The following ASAP2 variants were observed in gnomAD, a reference collection of about 807,000 sequenced individuals.
ASAP2 encodes the protein ArfGAP with SH3 domain, ankyrin repeat and PH domain 2.
In ASAP2, 45 loss-of-function variants were observed where a neutral mutation model predicts 131.4. That is an observed-to-expected ratio of 0.34 (90% CI 0.27 to 0.44). The LOEUF is 0.44. Ranked by LOEUF, ASAP2 falls within the 20% of genes least tolerant of loss-of-function variation. The pLI, the probability that ASAP2 is intolerant of heterozygous loss-of-function variation, is 1.00. For missense variants in ASAP2, 1,011 were observed against 1,297.0 expected (o/e 0.78, Z 3.39); for synonymous variants, 510 against 503.0 (o/e 1.01, Z -0.19).
intron 2 of ASAP2, among the ~76,000 whole-genome samples, chr2:9,282,429 T>C (rs1318953358): frequency 7.2e-5 from 11 of 152,264 alleles, no homozygotes; most frequent in Non-Finnish European, 1.6e-4. Context: ...TAGAACTCTT[T>C]AGAACTGCTT....
intron 20 of ASAP2, among the ~76,000 whole-genome samples, chr2:9,381,764 G>T (rs1674865676): frequency 6.6e-6 from 1 of 152,094 alleles, no homozygotes; most frequent in Admixed American, 6.5e-5. Flanking sequence ...TTAGCTGGGT[G>T]TGGTGGCACG....
At chr2:9,216,044 C>G (rs1572177718) in intron 1 of ASAP2, among the ~76,000 whole-genome samples, 1 of 152,150 alleles carries the variant, frequency 6.6e-6, no homozygotes, top group East Asian at 1.9e-4. Context: ...TCCTACAACC[C>G]AGCTCTCCTA....
intron 1 of ASAP2, among the ~76,000 whole-genome samples, chr2:9,266,147 C>A (rs796714406): frequency 7.5e-6 from 1 of 133,902 alleles, no homozygotes; most frequent in Admixed American, 7.6e-5. Context: ...GCCTTTTTAT[C>A]TTTTTTTTTT....
At chr2:9,396,421 G>A (rs1239389119) in intron 24 of ASAP2, among the ~76,000 whole-genome samples, 1 of 151,936 alleles carries the variant, frequency 6.6e-6, no homozygotes, top group African/African-American at 2.4e-5. Flanking sequence ...CCACAGGCAC[G>A]CACCACCATG....
At chr2:9,314,018 C>G (rs1294989340) in intron 3 of ASAP2, among the ~76,000 whole-genome samples, 1 of 152,182 alleles carries the variant, frequency 6.6e-6, no homozygotes, top group Non-Finnish European at 1.5e-5. Context: ...AAGTCTCGCT[C>G]TGTTACCTAG....
At chr2:9,247,459 G>T (rs190118739) in intron 1 of ASAP2, among the ~76,000 whole-genome samples, 1 of 152,312 alleles carries the variant, frequency 6.6e-6, no homozygotes, top group East Asian at 1.9e-4. Context: ...TACCTCATGC[G>T]CTGCTTTCGG....
intron 1 of ASAP2, among the ~76,000 whole-genome samples, chr2:9,249,491 A>G (rs571077994): frequency 5.3e-5 from 8 of 152,320 alleles, no homozygotes; most frequent in African/African-American, 1.9e-4. Context: ...TCATGACGCC[A>G]TGCCTGCTCC....
intron 1 of ASAP2, among the ~76,000 whole-genome samples, chr2:9,259,458 C>T (rs1212403256): frequency 6.6e-6 from 1 of 152,234 alleles, no homozygotes; most frequent in Non-Finnish European, 1.5e-5. Context: ...CCCCTCTCTG[C>T]AGGCTCCCAC....
In ASAP2 at chr2:9,393,610, C is replaced by A. The variant is rs1473013426; in HGVS notation, c.2647C>A (p.Pro883Thr). The A allele has an allele frequency of 1.3e-6, 2 of 1,588,024 alleles. No homozygotes were observed. The highest frequency in any genetic ancestry group is 1.7e-6 in the Non-Finnish European group (2 of 1,169,740). The change falls in exon 24 of 28, where the codon CCG becomes ACG. Residue 883 changes from proline to threonine, a missense_variant. Pro to Thr is a conservative substitution (Grantham distance 38, BLOSUM62 -1). Transcript: ENST00000281419. ...QIRPPPLPPQ[P>T]PSRLPQKKPA... ...CAGGCCCCCACCTCTGCCCCCACAG[C>A]CGCCCAGCCGCCTCCCGCAGAAGAA...
chr2:9,282,501 T>A (rs993557507), intron 2 of ASAP2, among the ~76,000 whole-genome samples: 6 of 152,194 alleles, frequency 3.9e-5, no homozygotes, highest in African/African-American at 1.4e-4. Flanking sequence ...TAAATTTTTT[T>A]AGAACTAGAT....
chr2:9,252,914 CAAA>C (rs35078846), intron 1 of ASAP2, among the ~76,000 whole-genome samples: 3 of 108,464 alleles, frequency 2.8e-5, no homozygotes, highest in Admixed American at 1.0e-4. Context: ...GACTCCGTCT[CAAA>C]AAAAAAAAAA....
chr2:9,207,483 C>A lies in ASAP2; in HGVS notation c.126+253C>A, dbSNP rs1402898906. Among the ~76,000 whole-genome samples, 1 of 152,130 alleles carries A rather than the reference C, an allele frequency of 6.6e-6. No individual in the cohort carries two copies. The highest frequency in any genetic ancestry group is 1.5e-5 in the Non-Finnish European group (1 of 67,974). Reference sequence around the variant, plus strand: ...CCCTCGCGGGGTTCCGCGGCCTGGTCTTTTCCCCGCAGCGCGGCCAACTTT... The same window carrying A: ...CCCTCGCGGGGTTCCGCGGCCTGGTATTTTCCCCGCAGCGCGGCCAACTTT... On this transcript the variant is annotated intron_variant, in intron 1 of 27. Coordinates refer to ENST00000281419, the MANE Select transcript of ASAP2 (RefSeq NM_003887.3). The surrounding 1 kb of genome is among the most constrained non-coding windows in gnomAD (Gnocchi z 4.1).
At position 9,318,616 on chromosome 2, in the gene ASAP2, T is replaced by C. The variant is rs1669955526; in HGVS notation, c.420+18T>C. 1.3e-6 allele frequency: 2 copies of C among 1,587,308 alleles called. No homozygotes were observed. Among genetic ancestry groups the C allele is most frequent in the African/African-American group, 2.7e-5 (2 of 74,112 alleles). On this transcript the variant is annotated intron_variant, in intron 4 of 27. Coordinates refer to ENST00000281419, the MANE Select transcript of ASAP2 (RefSeq NM_003887.3). ...TGAAAGGGGTATGACATTGACACTG[T>C]GACACCAGGGGCAGCTTTTACACCA...
chr2:9,222,061 T>C (rs1662461957), intron 1 of ASAP2, among the ~76,000 whole-genome samples: 1 of 152,200 alleles, frequency 6.6e-6, no homozygotes, highest in South Asian at 2.1e-4. Flanking sequence ...GTGCTGGGAT[T>C]AGAGGCGTGA....
intron 1 of ASAP2, among the ~76,000 whole-genome samples, chr2:9,208,057 T>TCTGTG (rs988446274): frequency 1.3e-5 from 2 of 151,934 alleles, no homozygotes; most frequent in African/African-American, 4.8e-5. Flanking sequence ...AGGGGCAGAG[T>TCTGTG]CTGTGAGTCC....
chr2:9,222,125 A>T (rs1662468350), intron 1 of ASAP2, among the ~76,000 whole-genome samples: 1 of 152,156 alleles, frequency 6.6e-6, no homozygotes, highest in Non-Finnish European at 1.5e-5. Context: ...TCAGTTCTTA[A>T]TCATCTTTAA....
Position 9,246,046 on chromosome 2 carries a change from G to A in ASAP2, c.127-33271G>A, listed in dbSNP as rs371084673. ...ACAGGAGGGTGGTGTGACCCCGTTGGGGGAAGGAGCTCTGTGTTGACTGGC... is the reference window on the plus strand; with the variant it reads ...ACAGGAGGGTGGTGTGACCCCGTTGAGGGAAGGAGCTCTGTGTTGACTGGC... On this transcript the variant is annotated intron_variant, in intron 1 of 27. Transcript: ENST00000281419. Among the ~76,000 whole-genome samples the A allele has an allele frequency of 1.6e-4, 24 of 152,302 alleles. No homozygotes were observed. The East Asian group carries it at 2.3e-3, about 15-fold the overall frequency.
intron 9 of ASAP2, among the ~76,000 whole-genome samples, chr2:9,336,302 T>C (rs952790619): frequency 3.9e-5 from 6 of 151,918 alleles, no homozygotes; most frequent in Non-Finnish European, 7.4e-5. Context: ...TCCCTCCCTT[T>C]CTCTCCCCTG....
intron 1 of ASAP2, among the ~76,000 whole-genome samples, chr2:9,274,575 G>A (rs937608831): frequency 1.3e-5 from 2 of 151,900 alleles, no homozygotes; most frequent in African/African-American, 2.4e-5. Flanking sequence ...CGGCCATCTC[G>A]GCCTCCCAAA....
Sources: gnomAD v4.1 joint callset for allele counts (sites outside exome capture counted in the v4.1 genomes callset) on GRCh38, gnomAD v4.1.1 for gene constraint, Gnocchi (gnomAD v3.1) non-coding constraint, MANE v1.5 for transcripts, NCBI Gene and HGNC (gene_info 2026-07-23, HGNC 2026-07-21) for gene names.